Variants in KCTD1 observed in about 807,000 individuals in gnomAD.
KCTD1 encodes the protein BTB/POZ domain-containing protein KCTD1.
In KCTD1, 24 loss-of-function variants were observed where a neutral mutation model predicts 66.0. The observed-to-expected ratio is 0.36, with a 90% CI of 0.26 to 0.51. The LOEUF is 0.51. Among genes scored for constraint, KCTD1 ranks in the 20% least tolerant of loss-of-function variants. The probability of loss-of-function intolerance (pLI) is 0.95; values close to 1 mark genes in which losing one functional copy is unlikely to be tolerated. For missense variants in KCTD1, 943 were observed against 1,205.2 expected (o/e 0.78, Z 3.22); for synonymous variants, 511 against 517.2 (o/e 0.99, Z 0.16).
chr18:26,529,723 A>G (rs1246117427), intron 1 of KCTD1, among the ~76,000 whole-genome samples: 3 of 152,244 alleles, frequency 2.0e-5, no homozygotes, highest in Non-Finnish European at 4.4e-5. Flanking sequence ...TGTGCCTAAC[A>G]GAATACAAAT....
chr18:26,602,620 C>T lies in KCTD1; in HGVS notation c.-16+26527G>A, dbSNP rs1165963116. 2.0e-5 allele frequency among the ~76,000 whole-genome samples: 3 copies of T among 152,178 alleles called. No individual in the cohort carries two copies. In the South Asian group the frequency reaches 6.2e-4, roughly 32 times the overall value. Reference sequence around the variant, plus strand: ...CTTCCAGAGTCTCATCACACAATTCCTCTCTCCAGAGGTAAAGATCTTTAT... The same window carrying T: ...CTTCCAGAGTCTCATCACACAATTCTTCTCTCCAGAGGTAAAGATCTTTAT... On this transcript the variant is annotated intron_variant, in intron 1 of 4. Coordinates refer to the KCTD1 transcript ENST00000317932.
chr18:26,617,142 T>C (rs949187836), intron 1 of KCTD1, among the ~76,000 whole-genome samples: 11 of 152,308 alleles, frequency 7.2e-5, no homozygotes, highest in Non-Finnish European at 1.6e-4. Context: ...TTAACACCTA[T>C]GAACCTGTGA....
chr18:26,534,842 G>T (rs7242518), intron 1 of KCTD1, among the ~76,000 whole-genome samples: 93,714 of 151,912 alleles, frequency 0.62, 29,102 homozygotes, highest in East Asian at 0.82. Flanking sequence ...TGACCAGAGG[G>T]TCCTTAACCA....
Position 26,616,478 on chromosome 18 carries a change from T to TATACAC in KCTD1, c.-16+12668_-16+12669insGTGTAT, listed in dbSNP as rs148346431. Among the ~76,000 whole-genome samples the TATACAC allele has an allele frequency of 4.0e-4, 59 of 148,766 alleles. 1 individual carries two copies. The South Asian group carries it at 5.3e-3, about 13-fold the overall frequency. On this transcript the variant is annotated intron_variant, in intron 1 of 4. Coordinates refer to the KCTD1 transcript ENST00000317932. The stretch of plus-strand genomic sequence containing the variant: ...CCTTACATACATATATATATATATA[T>TATACAC]ACACACACACATATATGTATACATA...
intron 1 of KCTD1, among the ~76,000 whole-genome samples, chr18:26,657,179 G>A (rs1338560012): frequency 6.6e-6 from 1 of 151,828 alleles, no homozygotes; most frequent in Admixed American, 6.5e-5. Flanking sequence ...AGGAGGCGGC[G>A]GCCCCTGCCC....
chr18:26,468,092 TGA>T lies in KCTD1; in HGVS notation c.2134-8169_2134-8168del, dbSNP rs1200939824. ...CCGAAGCTCTAGACTCTTGGTGTGC[TGA>T]GAGTTGCAACCACGTGTGTGTGTGT... On this transcript the variant is annotated intron_variant, in intron 3 of 4. Transcript: ENST00000580059. This position sits in a 1 kb window ranked among gnomAD's most constrained non-coding sequence, Gnocchi z 4.8. Among the ~76,000 whole-genome samples, 1 of 152,200 alleles carries T rather than the reference TGA, an allele frequency of 6.6e-6. No individual in the cohort carries two copies. Among genetic ancestry groups the T allele is most frequent in the Non-Finnish European group, 1.5e-5 (1 of 68,044 alleles).
chr18:26,561,921 G>A (rs1342071516), intron 1 of KCTD1, among the ~76,000 whole-genome samples: 3 of 152,192 alleles, frequency 2.0e-5, no homozygotes, highest in African/African-American at 4.8e-5. Flanking sequence ...CAGACCCACC[G>A]TCTAGTCTGG....
chr18:26,546,879 T>C lies in KCTD1; in HGVS notation c.1658A>G (p.Lys553Arg), dbSNP rs568636408. The C allele has an allele frequency of 1.6e-4, 236 of 1,491,986 alleles. No individual in the cohort carries two copies. Among genetic ancestry groups the C allele is most frequent in the Admixed American group, 4.0e-4 (17 of 41,994 alleles). The allele number at this position is 1,491,986 out of a possible 1,614,324, so 92.4% of individuals were successfully genotyped here. Reference sequence around the variant, plus strand: ...CTCCGAGGGGCGGATACAAAGTCTTTTGGGGGAAGTGGGGCCGCAGATTTC... The same window carrying C: ...CTCCGAGGGGCGGATACAAAGTCTTCTGGGGGAAGTGGGGCCGCAGATTTC... ...SGEICGPTSP[K>R]RLCIRPSEPV... The change falls in exon 1 of 5, where the codon AAA becomes AGA. Residue 553 changes from lysine (K) to arginine (R), a missense_variant. Around this residue, in one of 10 missense-constraint regions of KCTD1, gnomAD observed 197 missense variants for 182.7 expected, o/e 1.08. Coordinates refer to ENST00000580059, the MANE Select transcript of KCTD1 (RefSeq NM_001142730.3).
At chr18:26,517,764 G>T (rs549489707) in intron 1 of KCTD1, among the ~76,000 whole-genome samples, 1 of 152,142 alleles carries the variant, frequency 6.6e-6, no homozygotes, top group Admixed American at 6.5e-5. Flanking sequence ...TGACTGTGAG[G>T]CCTCCCCAGT....
intron 1 of KCTD1, among the ~76,000 whole-genome samples, chr18:26,504,181 C>G (rs945711766): frequency 1.3e-5 from 2 of 152,046 alleles, no homozygotes; most frequent in Admixed American, 6.5e-5. Flanking sequence ...GCGATCCCCC[C>G]ACCTCAGCTT....
chr18:26,615,304 T>G (rs1177394987), intron 1 of KCTD1, among the ~76,000 whole-genome samples: 1 of 152,148 alleles, frequency 6.6e-6, no homozygotes, highest in Non-Finnish European at 1.5e-5. Flanking sequence ...CTTTTTCTAC[T>G]CCTCTCATTT....
chr18:26,596,840 T>C (rs555149016), intron 1 of KCTD1, among the ~76,000 whole-genome samples: 20 of 152,386 alleles, frequency 1.3e-4, no homozygotes, highest in African/African-American at 4.8e-4. Context: ...TCTTCTCTCT[T>C]CAAGCCTTGA....
upstream of KCTD1, among the ~76,000 whole-genome samples, chr18:26,550,954 A>G (rs1346666335): frequency 2.0e-5 from 3 of 152,140 alleles, no homozygotes; most frequent in Non-Finnish European, 4.4e-5. The surrounding 1 kb of genome is among the most constrained non-coding windows in gnomAD (Gnocchi z 5.4). Flanking sequence ...CCTCGCCATA[A>G]GCGCAGGGAC....
intron 1 of KCTD1, among the ~76,000 whole-genome samples, chr18:26,593,345 A>AGAGGAGGAG (rs1226392690): frequency 9.6e-4 from 31 of 32,156 alleles, no homozygotes; most frequent in African/African-American, 2.1e-3. Context: ...AAGAGGAGGA[A>AGAGGAGGAG]GAGGAGGAGG....
chr18:26,548,694 A>G (rs1598935569), upstream of KCTD1: 1 of 740,446 alleles, frequency 1.4e-6, no homozygotes, highest in African/African-American at 2.8e-5. Flanking sequence ...GCAGCTCCGG[A>G]GGGGCAGCGG....
intron 1 of KCTD1, among the ~76,000 whole-genome samples, chr18:26,634,756 C>T (rs1987687080): frequency 6.6e-6 from 1 of 152,018 alleles, no homozygotes; most frequent in South Asian, 2.1e-4. Flanking sequence ...GAACTTCAGC[C>T]CTCTCTATTT....
intron 1 of KCTD1, among the ~76,000 whole-genome samples, chr18:26,541,060 T>C (rs1427769378): frequency 6.6e-6 from 1 of 152,170 alleles, no homozygotes; most frequent in African/African-American, 2.4e-5. Flanking sequence ...TGGGGGTCAC[T>C]AAGAAGCTTG....
At chr18:26,474,115 T>C (rs1040656627) in intron 3 of KCTD1, among the ~76,000 whole-genome samples, 2 of 152,218 alleles carry the variant, frequency 1.3e-5, no homozygotes, top group African/African-American at 4.8e-5. Flanking sequence ...AAACATACTA[T>C]ACATATGGTT....
chr18:26,542,361 G>C (rs1598930293), intron 1 of KCTD1, among the ~76,000 whole-genome samples: 1 of 152,130 alleles, frequency 6.6e-6, no homozygotes, highest in Non-Finnish European at 1.5e-5. Context: ...ACAATGCAAT[G>C]AATGACAGAT....
Sources: gnomAD v4.1 joint callset for allele counts (sites outside exome capture counted in the v4.1 genomes callset) on GRCh38, gnomAD v4.1.1 for gene constraint, gnomAD v4.1.1 regional missense constraint, Gnocchi (gnomAD v3.1) non-coding constraint, MANE v1.5 for transcripts, NCBI Gene and HGNC (gene_info 2026-07-23, HGNC 2026-07-21) for gene names.